TMEM132B: variants seen among roughly 807,000 people sequenced by gnomAD.
TMEM132B encodes transmembrane protein 132B.
TMEM132B carries 18 observed loss-of-function variants against 90.8 expected under a neutral mutation model. The observed-to-expected ratio is 0.20, with a 90% CI of 0.14 to 0.29. The LOEUF is 0.29. TMEM132B is among the 10% of genes least tolerant of loss of function. The pLI, the probability that TMEM132B is intolerant of heterozygous loss-of-function variation, is 1.00. For missense variants in TMEM132B, 1,096 were observed against 1,326.8 expected, an observed-to-expected ratio of 0.83 and a Z score of 2.70; for synonymous variants, 504 against 523.3, an observed-to-expected ratio of 0.96 and a Z score of 0.50.
At position 125,186,397 on chromosome 12, in the gene TMEM132B, G is replaced by GA. The variant is rs1241197152; in HGVS notation, c.-403_-402insA. On this transcript the variant is annotated 5_prime_UTR_variant, in exon 1 of 9. Coordinates refer to ENST00000682704, the MANE Select transcript of TMEM132B (RefSeq NM_001366854.1). This position sits in a 1 kb window ranked among gnomAD's most constrained non-coding sequence, Gnocchi z 6.3. Reference sequence around the variant, plus strand: ...TCGCTCGCTCGCTCACTCTCTCGCTGGCTCGAGGGGCGGCCGGCAGATGGC... The same window carrying GA: ...TCGCTCGCTCGCTCACTCTCTCGCTGAGCTCGAGGGGCGGCCGGCAGATGGC... Among the ~76,000 whole-genome samples the GA allele has an allele frequency of 6.8e-6, 1 of 147,920 alleles. No individual in the cohort carries two copies. Among genetic ancestry groups the GA allele is most frequent in the Non-Finnish European group, 1.5e-5 (1 of 66,378 alleles).
intron 3 of TMEM132B, among the ~76,000 whole-genome samples, chr12:125,474,144 T>C (rs1881805264): frequency 6.7e-6 from 1 of 150,292 alleles, no homozygotes; most frequent in African/African-American, 2.5e-5. Context: ...CTCTCTCGCC[T>C]TCCTGCCTTC....
chr12:125,562,359 T>C (rs1273751644), intron 4 of TMEM132B, among the ~76,000 whole-genome samples: 1 of 152,184 alleles, frequency 6.6e-6, no homozygotes, highest in Non-Finnish European at 1.5e-5. Flanking sequence ...GGATTAAGGA[T>C]GTTTTGTTTT....
chr12:125,388,679 C>T (rs1456940495), intron 2 of TMEM132B, among the ~76,000 whole-genome samples: 1 of 152,130 alleles, frequency 6.6e-6, no homozygotes, highest in Non-Finnish European at 1.5e-5. Context: ...CCACAGGCTG[C>T]CTCAACATCT....
chr12:125,379,723 A>G (rs2136283792), intron 2 of TMEM132B, among the ~76,000 whole-genome samples: 1 of 152,352 alleles, frequency 6.6e-6, no homozygotes, highest in African/African-American at 2.4e-5. Context: ...AGCAGAGCCC[A>G]TCATGAAAGG....
intron 1 of TMEM132B, among the ~76,000 whole-genome samples, chr12:125,337,398 C>A (rs963456174): frequency 1.3e-5 from 2 of 152,144 alleles, no homozygotes; most frequent in Non-Finnish European, 2.9e-5. Context: ...AGGGCCGGGG[C>A]TCCTTCCAGG....
Position 125,415,507 on chromosome 12 carries a change from T to C in TMEM132B, c.960-24T>C, listed in dbSNP as rs758350499. 5 of 1,613,532 alleles carry C rather than the reference T, an allele frequency of 3.1e-6. No homozygotes were observed. The African/African-American group carries it at 4.0e-5, about 13-fold the overall frequency. Reference sequence around the variant, plus strand: ...ACTAAAATGGTTTTATTATATATAATATCATTGTTTTCCCACCCCACAGAA... The same window carrying C: ...ACTAAAATGGTTTTATTATATATAACATCATTGTTTTCCCACCCCACAGAA... On this transcript the variant is annotated intron_variant, in intron 2 of 8. Coordinates refer to ENST00000682704, the MANE Select transcript of TMEM132B (RefSeq NM_001366854.1). This position sits in a 1 kb window ranked among gnomAD's most constrained non-coding sequence, Gnocchi z 5.3.
chr12:125,218,974 A>G (rs914058679), intron 1 of TMEM132B, among the ~76,000 whole-genome samples: 2 of 152,140 alleles, frequency 1.3e-5, no homozygotes, highest in African/African-American at 2.4e-5. Flanking sequence ...TTGCACAACA[A>G]TGTGAATATA....
chr12:125,457,492 G>A (rs907695103), intron 3 of TMEM132B, among the ~76,000 whole-genome samples: 33 of 152,298 alleles, frequency 2.2e-4, no homozygotes, highest in African/African-American at 7.0e-4. Flanking sequence ...GAATGTGAGC[G>A]TTGAGTTTGG....
At chr12:125,249,891 G>C (rs1488081447) in intron 1 of TMEM132B, among the ~76,000 whole-genome samples, 1 of 152,258 alleles carries the variant, frequency 6.6e-6, no homozygotes, top group East Asian at 1.9e-4. Flanking sequence ...AAGAAACTCA[G>C]TGGGACCTAG....
intron 1 of TMEM132B, among the ~76,000 whole-genome samples, chr12:125,218,775 T>TTTG (rs1555232379): frequency 2.7e-5 from 4 of 149,728 alleles, no homozygotes; most frequent in Admixed American, 6.6e-5. Flanking sequence ...AGCTGTTTTT[T>TTTG]TTTTTTTTTT....
chr12:125,472,346 G>A (rs1248492028), intron 3 of TMEM132B, among the ~76,000 whole-genome samples: 2 of 152,122 alleles, frequency 1.3e-5, no homozygotes, highest in South Asian at 4.1e-4. Flanking sequence ...AAGTTAGAAC[G>A]GCCTCTGCAT....
At chr12:125,189,919 A>G (rs1957786797) in intron 1 of TMEM132B, among the ~76,000 whole-genome samples, 1 of 151,946 alleles carries the variant, frequency 6.6e-6, no homozygotes, top group Admixed American at 6.6e-5. Context: ...CTGTGTCTCA[A>G]TTTGAATGGG....
intron 4 of TMEM132B, among the ~76,000 whole-genome samples, chr12:125,553,407 A>G (rs1884287102): frequency 2.6e-5 from 4 of 152,222 alleles, no homozygotes; most frequent in Non-Finnish European, 5.9e-5. Flanking sequence ...AACATACTTG[A>G]TGATGTGATT....
intron 4 of TMEM132B, among the ~76,000 whole-genome samples, chr12:125,534,992 C>T (rs1018511784): frequency 2.0e-5 from 3 of 152,276 alleles, no homozygotes; most frequent in Middle Eastern, 3.4e-3. Context: ...TGTTGGACAG[C>T]GCTGCTATTG....
At chr12:125,314,389 C>T (rs985560037) in intron 1 of TMEM132B, among the ~76,000 whole-genome samples, 2 of 152,232 alleles carry the variant, frequency 1.3e-5, no homozygotes, top group Non-Finnish European at 2.9e-5. Context: ...CTCTTTCTTT[C>T]CTTCTTGCTC....
At chr12:125,218,984 A>G (rs1193946382) in intron 1 of TMEM132B, among the ~76,000 whole-genome samples, 1 of 152,130 alleles carries the variant, frequency 6.6e-6, no homozygotes, top group Non-Finnish European at 1.5e-5. Context: ...ATGTGAATAT[A>G]CTAAATGCCA....
At chr12:125,307,325 G>T (rs1026094366) in intron 1 of TMEM132B, among the ~76,000 whole-genome samples, 1 of 152,132 alleles carries the variant, frequency 6.6e-6, no homozygotes, top group African/African-American at 2.4e-5. Flanking sequence ...GGAAGGTTTC[G>T]TGCAGTATCA....
intron 4 of TMEM132B, among the ~76,000 whole-genome samples, chr12:125,541,714 G>A (rs934094707): frequency 2.0e-5 from 3 of 151,632 alleles, no homozygotes; most frequent in African/African-American, 7.3e-5. Context: ...GCAACCCTGT[G>A]AGTCCACCGA....
chr12:125,478,167 A>T (rs1008822544), intron 3 of TMEM132B, among the ~76,000 whole-genome samples: 2 of 152,214 alleles, frequency 1.3e-5, no homozygotes, highest in African/African-American at 4.8e-5. Context: ...GAGAAACCAG[A>T]GCAGAAAAGC....
Sources: allele counts gnomAD v4.1 joint callset (sites outside exome capture counted in the v4.1 genomes callset), GRCh38; gene constraint gnomAD v4.1.1; non-coding constraint Gnocchi (gnomAD v3.1); transcripts MANE v1.5; gene names NCBI Gene and HGNC (gene_info 2026-07-23, HGNC 2026-07-21).